Variants in FGF14 observed in about 807,000 individuals in gnomAD.
FGF14 encodes fibroblast growth factor homologous factor 4.
In FGF14, 5 loss-of-function variants were observed where a neutral mutation model predicts 25.5. The observed-to-expected ratio is 0.20, with a 90% CI of 0.10 to 0.41. The LOEUF (loss-of-function observed/expected upper bound fraction) is 0.41. FGF14 is among the 10% of genes least tolerant of loss of function. The pLI is 1.00. For synonymous variants in FGF14, 138 were observed against 118.3 expected (o/e 1.17, Z -1.08); for missense variants, 222 against 320.1 (o/e 0.69, Z 2.34).
intron 1 of FGF14, among the ~76,000 whole-genome samples, chr13:102,148,590 C>G (rs2046950140): frequency 6.6e-5 from 10 of 152,162 alleles, no homozygotes; most frequent in Admixed American, 6.6e-4. Flanking sequence ...AGGCAGATTG[C>G]CTGAGCTCAG....
intron 1 of FGF14, among the ~76,000 whole-genome samples, chr13:102,035,626 A>T (rs1376100424): frequency 3.3e-5 from 5 of 152,174 alleles, no homozygotes; most frequent in Non-Finnish European, 7.4e-5. Flanking sequence ...TGCTGGAGTT[A>T]TTATTAGCTT....
At chr13:102,372,372 C>G (rs183233924) in intron 1 of FGF14, among the ~76,000 whole-genome samples, 10 of 152,206 alleles carry the variant, frequency 6.6e-5, no homozygotes, top group African/African-American at 1.7e-4. Context: ...TAACAGAAAT[C>G]TAGTTATTCA....
At chr13:102,191,767 A>G (rs1378487672) in intron 1 of FGF14, among the ~76,000 whole-genome samples, 1 of 152,214 alleles carries the variant, frequency 6.6e-6, no homozygotes, top group East Asian at 1.9e-4. Flanking sequence ...TAAATCAAAT[A>G]TAAGTAAGCC....
intron 1 of FGF14, among the ~76,000 whole-genome samples, chr13:102,318,513 C>T (rs2056122000): frequency 6.6e-6 from 1 of 152,184 alleles, no homozygotes; most frequent in Admixed American, 6.5e-5. Flanking sequence ...CTGGTCCACG[C>T]CTTTTCCAAG....
chr13:102,109,061 CAT>C (rs1441595894), intron 1 of FGF14, among the ~76,000 whole-genome samples: 9 of 150,650 alleles, frequency 6.0e-5, no homozygotes, highest in South Asian at 2.1e-4. Context: ...AGTAAAGTAA[CAT>C]GTGTGTGCAT....
intron 1 of FGF14, among the ~76,000 whole-genome samples, chr13:102,154,149 T>A (rs2047211619): frequency 6.6e-6 from 1 of 151,956 alleles, no homozygotes; most frequent in South Asian, 2.1e-4. Flanking sequence ...ACATTCAAAT[T>A]CAGGAAATAC....
chr13:102,398,456 A>C (rs950505498), intron 1 of FGF14, among the ~76,000 whole-genome samples: 7 of 152,210 alleles, frequency 4.6e-5, no homozygotes, highest in Non-Finnish European at 8.8e-5. Flanking sequence ...TATAGGAAGG[A>C]AAATTAACCT....
intron 1 of FGF14, among the ~76,000 whole-genome samples, chr13:102,307,721 CA>C (rs2055473958): frequency 6.6e-6 from 1 of 152,120 alleles, no homozygotes; most frequent in Admixed American, 6.6e-5. Context: ...TTAATCTTCA[CA>C]ACATTCTTAT....
chr13:102,058,335 A>G (rs771488633), intron 1 of FGF14, among the ~76,000 whole-genome samples: 13 of 152,222 alleles, frequency 8.5e-5, no homozygotes, highest in Non-Finnish European at 1.8e-4. Context: ...ATTCTCCCAC[A>G]AAGAAGGCAT....
At chr13:101,835,204 C>A (rs1338556119) in intron 3 of FGF14, among the ~76,000 whole-genome samples, 2 of 151,882 alleles carry the variant, frequency 1.3e-5, no homozygotes, top group East Asian at 3.9e-4. Flanking sequence ...TGCTTCTGCA[C>A]AGCCTTTCAA....
At chr13:102,003,311 G>A (rs913902787) in intron 1 of FGF14, 2 of 152,058 alleles carry the variant, frequency 1.3e-5, no homozygotes, top group African/African-American at 4.8e-5. Context: ...GAGAGCCATG[G>A]GATTCCAGGT....
intron 1 of FGF14, among the ~76,000 whole-genome samples, chr13:101,913,796 C>T (rs118149093): frequency 0.021 from 3,228 of 152,170 alleles, 49 homozygotes; most frequent in Non-Finnish European, 0.029. Context: ...CTAATTAGAT[C>T]CCTCTCCCCA....
intron 3 of FGF14, among the ~76,000 whole-genome samples, chr13:101,748,777 A>T (rs750739248): frequency 7.1e-5 from 7 of 98,578 alleles, no homozygotes; most frequent in Non-Finnish European, 1.6e-4. Flanking sequence ...AAAAAAAAAT[A>T]GAATTACTAT....
chr13:102,119,701 T>A (rs1263469773), intron 1 of FGF14, among the ~76,000 whole-genome samples: 1 of 152,224 alleles, frequency 6.6e-6, no homozygotes, highest in Non-Finnish European at 1.5e-5. Flanking sequence ...TGTATGTATG[T>A]GCACACACGT....
rs561977992 is a variant in FGF14 at position 101,804,089 on chromosome 13, T to G, written c.408+64636A>C. On this transcript the variant is annotated intron_variant, in intron 3 of 4. Coordinates refer to ENST00000376143, the MANE Select transcript of FGF14 (RefSeq NM_004115.4). ...AGAATAAGAAGGAGCATGGGAAGGATGTGTTACCATGGAGATCACTGAGGT... is the reference window on the plus strand; with the variant it reads ...AGAATAAGAAGGAGCATGGGAAGGAGGTGTTACCATGGAGATCACTGAGGT... 5.1e-4 allele frequency among the ~76,000 whole-genome samples: 78 copies of G among 151,562 alleles called. No individual in the cohort carries two copies. In the South Asian group the frequency reaches 0.015, roughly 29 times the overall value.
At chr13:101,736,103 G>A (rs1594075868) in intron 3 of FGF14, among the ~76,000 whole-genome samples, 3 of 152,010 alleles carry the variant, frequency 2.0e-5, no homozygotes, top group Non-Finnish European at 2.9e-5. Context: ...GGTCAGTTTC[G>A]CCTCATCCTC....
At chr13:101,949,995 C>CTTTTTTTT (rs2036052730) in intron 1 of FGF14, among the ~76,000 whole-genome samples, 7 of 152,064 alleles carry the variant, frequency 4.6e-5, no homozygotes, top group South Asian at 4.2e-4. Context: ...GGCAAGTTTT[C>CTTTTTTTT]TTTTTCTTTT....
At chr13:102,115,513 T>C (rs2045427620) in intron 1 of FGF14, among the ~76,000 whole-genome samples, 2 of 152,206 alleles carry the variant, frequency 1.3e-5, no homozygotes, top group Admixed American at 6.5e-5. Context: ...GCTGACCACA[T>C]GTAGGGCTTC....
chr13:102,001,298 A>G (rs188028741), intron 1 of FGF14, among the ~76,000 whole-genome samples: 140 of 152,344 alleles, frequency 9.2e-4, no homozygotes, highest in African/African-American at 3.1e-3. Flanking sequence ...CATCCTAAGC[A>G]TAATACCTGG....
Sources: gnomAD v4.1 joint callset for allele counts (sites outside exome capture counted in the v4.1 genomes callset) on GRCh38, gnomAD v4.1.1 for gene constraint, MANE v1.5 for transcripts, NCBI Gene and HGNC (gene_info 2026-07-23, HGNC 2026-07-21) for gene names.